The following ADGRV1 variants were observed in gnomAD, a reference collection of about 807,000 sequenced individuals.
ADGRV1 encodes G-protein coupled receptor 98.
A neutral mutation model predicts 596.2 loss-of-function variants in ADGRV1; 359 were observed. That is an observed-to-expected ratio of 0.60 (90% CI 0.55 to 0.66). ADGRV1 has a LOEUF of 0.66. ADGRV1 is among the 30% of genes least tolerant of loss of function. The probability of loss-of-function intolerance (pLI) is 0.00; values close to 1 mark genes in which losing one functional copy is unlikely to be tolerated. For synonymous variants in ADGRV1, 2,681 were observed against 2,679.2 expected (o/e 1.00, Z -0.02); for missense variants, 7,274 against 7,575.6 (o/e 0.96, Z 1.48).
rs369886529 is a variant in ADGRV1, at chr5:90,693,911, G to T, written c.7155G>T (p.Leu2385=). ...TTAGCGGAGGGCACTTTGGTCGGCT[G>T]TTGTTGTTCTACAGTACTTCCGACA... ...VRRSGGHFGR[L]LLFYSTSDID... Residue 2385 remains leucine, a synonymous_variant, in exon 33 of 90, where the codon CTG becomes CTT. Transcript: ENST00000405460. 145 of 1,566,710 alleles carry T rather than the reference G, an allele frequency of 9.3e-5. No homozygotes were observed. Among genetic ancestry groups the T allele is most frequent in the Non-Finnish European group, 1.2e-4 (134 of 1,154,440 alleles).
Position 90,690,980 on chromosome 5 carries a change from G to C in ADGRV1, c.6890G>C (p.Gly2297Ala). Residue 2297 changes from glycine (G) to alanine (A), a missense_variant, in exon 31 of 90, where the codon GGG (glycine) becomes GCG (alanine). Physicochemically the swap from Gly to Ala is moderately conservative, Grantham distance 60 (BLOSUM62 0). This residue lies in a region of ADGRV1 where 3,643 missense variants were observed against 3,809.2 expected (regional missense o/e 0.96). Transcript: ENST00000405460. ...TCAGGTAATGTGACCTTTGCCCCTGGGGAAACCATTCAAACCTTGTTGTTA... is the reference window on the plus strand; with the variant it reads ...TCAGGTAATGTGACCTTTGCCCCTGCGGAAACCATTCAAACCTTGTTGTTA... Reference protein sequence around the residue: ...VVSGNVTFAPGETIQTLLLEV... With the variant: ...VVSGNVTFAPAETIQTLLLEV... 6.2e-7 allele frequency: 1 copy of C among 1,613,800 alleles called. No homozygotes were observed. The highest frequency in any genetic ancestry group is 8.5e-7 in the Non-Finnish European group (1 of 1,179,782).
intron 64 of ADGRV1, 174 bp from the exon 65 acceptor site, chr5:90,781,256 A>T (rs1758805116): frequency 1.5e-6 from 1 of 648,596 alleles, no homozygotes; most frequent in South Asian, 1.8e-5. Context: ...CTGTTTCAAA[A>T]CATCATTTCA....
intron 66 of ADGRV1, 59 bp from the exon 67 acceptor site, chr5:90,783,779 G>A (rs1202329428): frequency 1.5e-6 from 2 of 1,297,368 alleles, no homozygotes; most frequent in Non-Finnish European, 2.1e-6. Flanking sequence ...TGGTTATTGG[G>A]ATTTTACAAG....
intron 22 of ADGRV1, among the ~76,000 whole-genome samples, chr5:90,673,229 G>A (rs1044381989): frequency 2.0e-5 from 3 of 152,034 alleles, no homozygotes; most frequent in Non-Finnish European, 2.9e-5. Context: ...TCCTGAGCAC[G>A]TCAGGCTCTC....
intron 85 of ADGRV1, among the ~76,000 whole-genome samples, chr5:91,022,844 T>C (rs1308818765): frequency 6.6e-6 from 1 of 152,126 alleles, no homozygotes; most frequent in African/African-American, 2.4e-5. Flanking sequence ...GATGAATTTG[T>C]TCCAACAGGT....
At chr5:90,824,360 C>A (rs914213942) in intron 76 of ADGRV1, among the ~76,000 whole-genome samples, 1 of 152,152 alleles carries the variant, frequency 6.6e-6, no homozygotes, top group African/African-American at 2.4e-5. Context: ...TGTCAAAGGA[C>A]TTGATTTCTT....
intron 87 of ADGRV1, among the ~76,000 whole-genome samples, chr5:91,122,541 C>T (rs1793415486): frequency 6.6e-6 from 1 of 152,146 alleles, no homozygotes; most frequent in Admixed American, 6.6e-5. Context: ...CTACTTCATA[C>T]CTCTTTTTGG....
chr5:90,647,801 C>G (rs1408884592), intron 17 of ADGRV1, 37 bp downstream of exon 17: 1 of 1,574,312 alleles, frequency 6.4e-7, no homozygotes, highest in Non-Finnish European at 8.7e-7. Context: ...AGATCTGCCT[C>G]AGTGCTTTAA....
chr5:90,853,616 C>G lies in ADGRV1; in HGVS notation c.17454+83C>G, dbSNP rs1766746778. ...CACACTTGGAATGCATTTGTTTGAT[C>G]ACAGTTTTGGTAAGTGCTACACATG... On this transcript the variant is annotated intron_variant, in intron 80 of 89. Transcript: ENST00000405460. 5 of 1,366,878 alleles carry G rather than the reference C, an allele frequency of 3.7e-6. No homozygotes were observed. The African/African-American group carries it at 7.2e-5, about 20-fold the overall frequency. The allele number at this position is 1,366,878 out of a possible 1,614,324, so 84.7% of individuals were successfully genotyped here. A position where few individuals can be genotyped will look rare whatever the true frequency, so the allele number is the denominator to read the frequency against.
chr5:91,057,576 T>C (rs1787001452), intron 85 of ADGRV1, among the ~76,000 whole-genome samples: 2 of 152,256 alleles, frequency 1.3e-5, no homozygotes. Context: ...TGTTCCTATT[T>C]TATTTCACTG....
chr5:90,608,963 A>G (rs562219025), intron 1 of ADGRV1, among the ~76,000 whole-genome samples: 2 of 152,276 alleles, frequency 1.3e-5, no homozygotes, highest in African/African-American at 4.8e-5. Flanking sequence ...GGAAACTGGC[A>G]TTTTATTGAT....
intron 83 of ADGRV1, among the ~76,000 whole-genome samples, chr5:90,928,813 G>T (rs1202958571): frequency 6.6e-6 from 1 of 151,430 alleles, no homozygotes; most frequent in Non-Finnish European, 1.5e-5. Flanking sequence ...GGTTTTTGGT[G>T]TGGATGTCCT....
At chr5:90,842,737 T>C (rs1311484602) in intron 78 of ADGRV1, among the ~76,000 whole-genome samples, 2 of 151,948 alleles carry the variant, frequency 1.3e-5, no homozygotes, top group African/African-American at 2.4e-5. Flanking sequence ...AATTGTAAAA[T>C]CAAGTAGAAA....
At chr5:90,696,841 T>G (rs1214552749) in intron 33 of ADGRV1, 96 bp from the exon 34 acceptor site, 1 of 819,236 alleles carries the variant, frequency 1.2e-6, no homozygotes, top group Non-Finnish European at 1.9e-6. Context: ...ATATTTTTAT[T>G]TAACTTTTAA....
In ADGRV1 at chr5:90,954,637, G is replaced by A. The variant is rs370294976; in HGVS notation, c.17857-10778G>A. On this transcript the variant is annotated intron_variant, in intron 83 of 89. Transcript: ENST00000405460. ...CATTTGATATATTTGTGCATATGTT[G>A]CATTTTCTTTTATTATTTCTATTCC... Among the ~76,000 whole-genome samples, 102 of 152,086 alleles carry A rather than the reference G, an allele frequency of 6.7e-4. 3 individuals carry two copies. In the South Asian group the frequency reaches 0.02, roughly 30 times the overall value.
chr5:91,103,875 G>A (rs1791611120), intron 87 of ADGRV1, among the ~76,000 whole-genome samples: 1 of 152,134 alleles, frequency 6.6e-6, no homozygotes, highest in South Asian at 2.1e-4. Context: ...TGCAAGAAGG[G>A]AAAATGACTA....
intron 21 of ADGRV1, among the ~76,000 whole-genome samples, chr5:90,668,958 A>T (rs1238644108): frequency 1.3e-5 from 2 of 152,208 alleles, no homozygotes; most frequent in South Asian, 4.1e-4. Flanking sequence ...TAAGTTTGTA[A>T]AAGAAACCAT....
chr5:91,134,249 C>T (rs974347416), intron 87 of ADGRV1, among the ~76,000 whole-genome samples: 2 of 151,492 alleles, frequency 1.3e-5, no homozygotes, highest in Non-Finnish European at 2.9e-5. Flanking sequence ...GTGCAGTGGC[C>T]TGATCATCGC....
intron 86 of ADGRV1, among the ~76,000 whole-genome samples, chr5:91,099,574 A>C (rs1791184124): frequency 6.6e-6 from 1 of 152,192 alleles, no homozygotes; most frequent in South Asian, 2.1e-4. Flanking sequence ...AGTTGGTTAC[A>C]TGCAGGGGAG....
Sources: gnomAD v4.1 joint callset for allele counts (sites outside exome capture counted in the v4.1 genomes callset) on GRCh38, gnomAD v4.1.1 for gene constraint, gnomAD v4.1.1 regional missense constraint, MANE v1.5 for transcripts, NCBI Gene and HGNC (gene_info 2026-07-23, HGNC 2026-07-21) for gene names.